The following FHIT variants were observed in gnomAD, a reference collection of about 807,000 sequenced individuals.
The protein encoded by FHIT is fragile histidine triad diadenosine triphosphatase.
Under a neutral mutation model 17.9 loss-of-function variants are expected in FHIT, and 19 were observed. The observed-to-expected ratio is 1.06, with a 90% CI of 0.74 to 1.56. The LOEUF (loss-of-function observed/expected upper bound fraction) is 1.56. Among genes scored for constraint, FHIT ranks in the 40% most tolerant of loss-of-function variants. The pLI, the probability that FHIT is intolerant of heterozygous loss-of-function variation, is 0.00. For synonymous variants in FHIT, 81 were observed against 69.7 expected, an observed-to-expected ratio of 1.16 and a Z score of -0.81; for missense variants, 248 against 189.2, an observed-to-expected ratio of 1.31 and a Z score of -1.82.
intron 5 of FHIT, among the ~76,000 whole-genome samples, chr3:60,093,778 C>G (rs936746632): frequency 6.6e-6 from 1 of 152,186 alleles, no homozygotes; most frequent in African/African-American, 2.4e-5. Context: ...TAGGGTGGAA[C>G]AGTTTCATCC....
chr3:59,762,245 A>ATTGTT (rs927321127), intron 8 of FHIT, among the ~76,000 whole-genome samples: 3 of 152,174 alleles, frequency 2.0e-5, no homozygotes, highest in Admixed American at 6.5e-5. Flanking sequence ...AAACTTATGA[A>ATTGTT]TTGTTTATTT....
chr3:59,925,589 G>A (rs550817240), intron 7 of FHIT, among the ~76,000 whole-genome samples: 1 of 152,068 alleles, frequency 6.6e-6, no homozygotes, highest in Non-Finnish European at 1.5e-5. Flanking sequence ...TCGTCTTCTC[G>A]ATTTAGTTCA....
intron 2 of FHIT, among the ~76,000 whole-genome samples, chr3:61,065,934 C>T (rs569997680): frequency 1.2e-4 from 19 of 152,142 alleles, no homozygotes; most frequent in Non-Finnish European, 1.9e-4. Context: ...TGCTTTGTGC[C>T]GCTATAACAG....
rs1485752436 is a variant in FHIT at position 60,257,002 on chromosome 3, T to C, written c.104-242850A>G. On this transcript the variant is annotated intron_variant, in intron 5 of 9. Transcript: ENST00000492590. ...CAAAATATTAAGACATGCAAATTATTTCCTGTTTGATACAGGTTTACTTTG... is the reference window on the plus strand; with the variant it reads ...CAAAATATTAAGACATGCAAATTATCTCCTGTTTGATACAGGTTTACTTTG... Among the ~76,000 whole-genome samples the C allele has an allele frequency of 2.0e-5, 3 of 152,324 alleles. No homozygotes were observed. The East Asian group carries it at 5.8e-4, about 29-fold the overall frequency.
intron 3 of FHIT, among the ~76,000 whole-genome samples, chr3:60,889,703 A>C (rs1384286308): frequency 6.6e-6 from 1 of 152,212 alleles, no homozygotes; most frequent in Non-Finnish European, 1.5e-5. Context: ...TTGTATATGC[A>C]GCCATTCCTC....
intron 4 of FHIT, among the ~76,000 whole-genome samples, chr3:60,796,992 T>C (rs1242015655): frequency 4.6e-5 from 7 of 152,236 alleles, no homozygotes; most frequent in African/African-American, 1.2e-4. Flanking sequence ...ATAAAGGCCA[T>C]GTGTTTGTAT....
intron 5 of FHIT, among the ~76,000 whole-genome samples, chr3:60,184,458 G>A (rs1419582983): frequency 3.3e-5 from 5 of 152,056 alleles, no homozygotes; most frequent in Non-Finnish European, 7.3e-5. Context: ...CTCAGTTAAG[G>A]TTTGTCTGAT....
chr3:60,099,549 C>T (rs577072972), intron 5 of FHIT, among the ~76,000 whole-genome samples: 117 of 152,206 alleles, frequency 7.7e-4, no homozygotes, highest in Non-Finnish European at 1.4e-3. Context: ...ACACTGTGAC[C>T]CTGGCATTTT....
In FHIT at chr3:59,805,475, G is replaced by C. The variant is rs1436417228; in HGVS notation, c.349-53154C>G. Among the ~76,000 whole-genome samples the C allele has an allele frequency of 1.3e-5, 2 of 152,092 alleles. 1 individual carries two copies. Among genetic ancestry groups the C allele is most frequent in the Admixed American group, 1.3e-4 (2 of 15,274 alleles). The stretch of plus-strand genomic sequence containing the variant: ...AGGTTAGAAGACCCTCATTGGAGAG[G>C]TGCCCTGAAGAAAGGAATGTTCTTA... On this transcript the variant is annotated intron_variant, in intron 8 of 9. Coordinates refer to ENST00000492590, the MANE Select transcript of FHIT (RefSeq NM_002012.4).
chr3:60,033,761 T>C (rs1205997452), intron 5 of FHIT, among the ~76,000 whole-genome samples: 3 of 152,172 alleles, frequency 2.0e-5, no homozygotes, highest in African/African-American at 4.8e-5. Flanking sequence ...TTTCTGAGTA[T>C]GTCTGAAACA....
At chr3:60,527,737 A>G (rs1010050746) in intron 5 of FHIT, among the ~76,000 whole-genome samples, 2 of 152,242 alleles carry the variant, frequency 1.3e-5, no homozygotes, top group African/African-American at 4.8e-5. Context: ...GGAAAATACA[A>G]CACTAGAAAG....
At chr3:60,445,471 A>G (rs555166664) in intron 5 of FHIT, among the ~76,000 whole-genome samples, 8 of 142,252 alleles carry the variant, frequency 5.6e-5, no homozygotes, top group African/African-American at 2.4e-4. Context: ...TATAAAAAGA[A>G]GAAGAAGAAG....
At chr3:60,175,183 G>C (rs1047875769) in intron 5 of FHIT, among the ~76,000 whole-genome samples, 7 of 152,136 alleles carry the variant, frequency 4.6e-5, no homozygotes, top group South Asian at 2.1e-4. Flanking sequence ...CACAGAGCTG[G>C]ATTTTTATAA....
intron 5 of FHIT, among the ~76,000 whole-genome samples, chr3:60,128,023 G>C (rs1026319978): frequency 2.6e-5 from 4 of 152,150 alleles, no homozygotes; most frequent in Non-Finnish European, 5.9e-5. Context: ...GTTAAATTTT[G>C]CATGTATATG....
chr3:60,969,100 A>C (rs780808537), intron 3 of FHIT, among the ~76,000 whole-genome samples: 2 of 152,062 alleles, frequency 1.3e-5, no homozygotes, highest in Non-Finnish European at 2.9e-5. Flanking sequence ...GTTTACATAT[A>C]ACTGATATTG....
rs752671584 is a variant in FHIT at position 60,318,129 on chromosome 3, A to C, written c.103+218731T>G. Among the ~76,000 whole-genome samples the C allele has an allele frequency of 2.0e-5, 3 of 152,152 alleles. No individual in the cohort carries two copies. The South Asian group carries it at 6.2e-4, about 32-fold the overall frequency. On this transcript the variant is annotated intron_variant, in intron 5 of 9. Transcript: ENST00000492590. ...TCTTAAACAAAAGCAAAAACAAAAA[A>C]CCCTGAACACATCATGGTATAATGC...
intron 8 of FHIT, among the ~76,000 whole-genome samples, chr3:59,839,756 A>G (rs1559650677): frequency 6.6e-6 from 1 of 152,158 alleles, no homozygotes; most frequent in Non-Finnish European, 1.5e-5. Context: ...TTTCCTTACC[A>G]GGATTCAGAG....
chr3:59,972,096 T>C (rs1708212051), intron 7 of FHIT, among the ~76,000 whole-genome samples: 1 of 152,106 alleles, frequency 6.6e-6, no homozygotes, highest in South Asian at 2.1e-4. Flanking sequence ...TCCATCATTA[T>C]GTAACTCATG....
In FHIT at chr3:61,142,044, G is replaced by C. The variant is rs1333324148; in HGVS notation, c.-164+58573C>G. On this transcript the variant is annotated intron_variant, in intron 2 of 9. Transcript: ENST00000492590. ...TCACAATTGCAAAGCAATTTCTCAG[G>C]GGGAGTCAAAGCTTCACTTGCTTTT... is the stretch of plus-strand genomic sequence containing the variant. Among the ~76,000 whole-genome samples, 2 of 151,412 alleles carry C rather than the reference G, an allele frequency of 1.3e-5. 1 individual carries two copies. Among genetic ancestry groups the C allele is most frequent in the Non-Finnish European group, 3.0e-5 (2 of 67,674 alleles).
Sources: gnomAD v4.1 joint callset for allele counts (sites outside exome capture counted in the v4.1 genomes callset) on GRCh38, gnomAD v4.1.1 for gene constraint, MANE v1.5 for transcripts, NCBI Gene and HGNC (gene_info 2026-07-23, HGNC 2026-07-21) for gene names.